Variants in AP3B1 observed in about 807,000 individuals in gnomAD.
AP3B1 encodes adaptor related protein complex 3 subunit beta 1.
AP3B1 carries 61 observed loss-of-function variants against 132.5 expected under a neutral mutation model. The observed-to-expected ratio is 0.46, with a 90% CI of 0.37 to 0.57. The LOEUF (loss-of-function observed/expected upper bound fraction) is 0.57. Among genes scored for constraint, AP3B1 ranks in the 20% least tolerant of loss-of-function variants. AP3B1 has a pLI of 0.00. For synonymous variants in AP3B1, 388 were observed against 438.3 expected (o/e 0.89, Z 1.43); for missense variants, 1,120 against 1,289.4 (o/e 0.87, Z 2.01).
At chr5:78,019,038 A>C (rs538400574) in intron 25 of AP3B1, among the ~76,000 whole-genome samples, 35 of 152,300 alleles carry the variant, frequency 2.3e-4, no homozygotes, top group African/African-American at 8.4e-4. Flanking sequence ...GAGACTTGCA[A>C]GGATTTACAA....
At chr5:78,171,250 G>T (rs968138559) in intron 11 of AP3B1, among the ~76,000 whole-genome samples, 1 of 152,098 alleles carries the variant, frequency 6.6e-6, no homozygotes, top group African/African-American at 2.4e-5. Flanking sequence ...CTTTAAAGTA[G>T]TTTTTTCCAA....
chr5:78,146,372 C>A (rs1753395322), intron 14 of AP3B1, among the ~76,000 whole-genome samples: 2 of 152,214 alleles, frequency 1.3e-5, no homozygotes, highest in South Asian at 4.1e-4. Flanking sequence ...CACCTTCAAG[C>A]ACTTCAGTTT....
chr5:78,022,402 G>C (rs892914828), intron 24 of AP3B1, among the ~76,000 whole-genome samples: 3 of 152,190 alleles, frequency 2.0e-5, no homozygotes, highest in African/African-American at 7.2e-5. Context: ...TTCTAGGCCT[G>C]TACTTTGGGA....
intron 15 of AP3B1, among the ~76,000 whole-genome samples, chr5:78,137,703 T>C (rs1330933330): frequency 6.6e-6 from 1 of 152,212 alleles, no homozygotes; most frequent in Admixed American, 6.5e-5. Context: ...ACAGCTGTTT[T>C]CTATGGTAGG....
intron 22 of AP3B1, among the ~76,000 whole-genome samples, chr5:78,088,691 T>A (rs1300127128): frequency 6.6e-6 from 1 of 152,194 alleles, no homozygotes; most frequent in Non-Finnish European, 1.5e-5. Context: ...TCTGTCAGAT[T>A]TCTGACAACA....
At position 78,039,294 on chromosome 5, in the gene AP3B1, GA is replaced by G. The variant is rs1357971765; in HGVS notation, c.2578-21del. The stretch of plus-strand genomic sequence containing the variant: ...ACTGACCTATTACACACGGCAAAAA[GA>G]AAAAAAGATGAGTTAGTGAATATAA... On this transcript the variant is annotated intron_variant, in intron 22 of 26. Coordinates refer to ENST00000255194, the MANE Select transcript of AP3B1 (RefSeq NM_003664.5). The G allele has an allele frequency of 1.3e-6, 2 of 1,563,756 alleles. No individual in the cohort carries two copies. Among genetic ancestry groups the G allele is most frequent in the South Asian group, 1.1e-5 (1 of 89,722 alleles).
chr5:78,199,077 A>C (rs1232572949), intron 7 of AP3B1, among the ~76,000 whole-genome samples: 1 of 152,170 alleles, frequency 6.6e-6, no homozygotes, highest in East Asian at 1.9e-4. Flanking sequence ...GGGTTTGAGG[A>C]CCATTGAACA....
At chr5:78,225,193 G>A (rs1746354144) in intron 6 of AP3B1, among the ~76,000 whole-genome samples, 1 of 151,936 alleles carries the variant, frequency 6.6e-6, no homozygotes, top group Non-Finnish European at 1.5e-5. Context: ...TATAAAGTGG[G>A]TACAAAAGCC....
intron 7 of AP3B1, among the ~76,000 whole-genome samples, chr5:78,206,565 G>A (rs1027716044): frequency 7.2e-5 from 11 of 151,962 alleles, no homozygotes; most frequent in Non-Finnish European, 8.8e-5. Flanking sequence ...CATATATAAC[G>A]GACTATATGT....
rs1267455538 is a variant in AP3B1 at position 78,039,174 on chromosome 5, C to A, written c.2678G>T (p.Cys893Phe). 1.2e-6 allele frequency: 2 copies of A among 1,613,820 alleles called. No homozygotes were observed. Among genetic ancestry groups the A allele is most frequent in the Non-Finnish European group, 1.7e-6 (2 of 1,179,930 alleles). The change falls in exon 23 of 27, where the codon TGC (cysteine) becomes TTC (phenylalanine). Residue 893 changes from cysteine (C) to phenylalanine (F), a missense_variant. Transcript: ENST00000255194. ...AAHYFFPRQP[C>F]IFGDKMVSIQ... is the part of the protein sequence containing the mutation. ...AGAGACCATCTTATCACCAAAAATG[C>A]AAGGCTGTCTTGGAAAGAAATAATG...
chr5:78,258,900 G>A (rs988658230), intron 2 of AP3B1, among the ~76,000 whole-genome samples: 1 of 152,158 alleles, frequency 6.6e-6, no homozygotes, highest in Non-Finnish European at 1.5e-5. Context: ...AACAACATGG[G>A]TGGAAATGAA....
intron 11 of AP3B1, among the ~76,000 whole-genome samples, chr5:78,171,648 T>C (rs1349692605): frequency 6.6e-6 from 1 of 152,190 alleles, no homozygotes; most frequent in African/African-American, 2.4e-5. Flanking sequence ...GCTGAGACGA[T>C]GGGGTTTTCT....
chr5:78,117,558 C>A (rs1229429240), intron 17 of AP3B1, among the ~76,000 whole-genome samples: 2 of 152,262 alleles, frequency 1.3e-5, no homozygotes, highest in African/African-American at 4.8e-5. Flanking sequence ...GATCCACCTG[C>A]CTCGACCTCC....
Position 78,025,654 on chromosome 5 carries a change from C to T in AP3B1, c.2895-4865G>A, listed in dbSNP as rs193296590. Among the ~76,000 whole-genome samples the T allele has an allele frequency of 7.0e-4, 107 of 152,224 alleles. 1 individual carries two copies. The highest frequency in any genetic ancestry group is 2.5e-3 in the African/African-American group (105 of 41,528). On this transcript the variant is annotated intron_variant, in intron 24 of 26. Coordinates refer to ENST00000255194, the MANE Select transcript of AP3B1 (RefSeq NM_003664.5). ...AGGTGGAGCAGCCATCTTGTGATCA[C>T]GAAGTTGACCAGCATTTGCTAACAA... is the stretch of plus-strand genomic sequence containing the variant.
intron 1 of AP3B1, among the ~76,000 whole-genome samples, chr5:78,291,609 C>A (rs1324385399): frequency 6.6e-6 from 1 of 151,916 alleles, no homozygotes. Context: ...GAAACACCAG[C>A]AAACCCAAAA....
chr5:78,231,562 T>C (rs1746654988), intron 3 of AP3B1, among the ~76,000 whole-genome samples: 1 of 152,186 alleles, frequency 6.6e-6, no homozygotes, highest in Non-Finnish European at 1.5e-5. Context: ...CTGTATTTTA[T>C]GCAATCTAAA....
chr5:78,104,965 A>G (rs955014437), intron 20 of AP3B1, among the ~76,000 whole-genome samples: 1 of 152,212 alleles, frequency 6.6e-6, no homozygotes, highest in South Asian at 2.1e-4. Context: ...CATAGCTAGT[A>G]TGTACCTTAA....
chr5:78,088,868 G>C (rs34341923), intron 22 of AP3B1: 1,616 of 154,730 alleles, frequency 0.01, 12 homozygotes, highest in Non-Finnish European at 0.016. Context: ...TGACAGGTAG[G>C]TTCTAGCCTC....
At chr5:78,039,502 G>A (rs967569095) in intron 22 of AP3B1, among the ~76,000 whole-genome samples, 10 of 152,144 alleles carry the variant, frequency 6.6e-5, no homozygotes, top group Admixed American at 1.3e-4. Flanking sequence ...GCGGCTGGGC[G>A]CGGTGGCTCA....
Sources: allele counts gnomAD v4.1 joint callset (sites outside exome capture counted in the v4.1 genomes callset), GRCh38; gene constraint gnomAD v4.1.1; transcripts MANE v1.5; gene names NCBI Gene and HGNC (gene_info 2026-07-23, HGNC 2026-07-21).